MSN: variants seen among roughly 807,000 people sequenced by gnomAD.
MSN encodes moesin.
A neutral mutation model predicts 48.0 loss-of-function variants in MSN; 2 were observed. The observed-to-expected ratio is 0.04, with a 90% CI of 0.02 to 0.13. MSN has a LOEUF of 0.13. MSN is among the 10% of genes least tolerant of loss of function. The probability of loss-of-function intolerance (pLI) is 1.00; values close to 1 mark genes in which losing one functional copy is unlikely to be tolerated. For missense variants in MSN, 267 were observed against 470.1 expected, an observed-to-expected ratio of 0.57 and a Z score of 3.99; for synonymous variants, 146 against 166.9, an observed-to-expected ratio of 0.87 and a Z score of 0.97.
intron 1 of MSN, among the ~76,000 whole-genome samples, chrX:65,694,018 A>G (rs1171678409): frequency 6.4e-5 from 7 of 110,109 alleles, no homozygotes; most frequent in African/African-American, 2.3e-4. Context: ...GCACCACTGC[A>G]CTACAGCCTG....
intron 1 of MSN, among the ~76,000 whole-genome samples, chrX:65,644,468 G>A (rs948235550): frequency 5.4e-5 from 6 of 111,604 alleles, no homozygotes; most frequent in Non-Finnish European, 9.4e-5. Flanking sequence ...CAGCTCCGTC[G>A]TCTCAGAACT....
Position 65,660,109 on chromosome X carries a change from G to T in MSN, c.-21-56709G>T, listed in dbSNP as rs570967242. 1.2e-4 allele frequency among the ~76,000 whole-genome samples: 13 copies of T among 111,819 alleles called. 1 individual carries two copies. In the South Asian group the frequency reaches 4.9e-3, roughly 42 times the overall value. On this transcript the variant is annotated intron_variant, in intron 1 of 3. Coordinates refer to the MSN transcript ENST00000609672. ...CCTCTGCTCTGCTCTGGAGACAGGG[G>T]CGTAACTGAGATGAGTCCCTGCTAG...
intron 1 of MSN, among the ~76,000 whole-genome samples, chrX:65,660,093 T>C (rs1027388445): frequency 1.8e-5 from 2 of 111,736 alleles, no homozygotes; most frequent in African/African-American, 6.5e-5. Context: ...GCCTCTGCTC[T>C]GCTCTGGAGA....
intron 1 of MSN, among the ~76,000 whole-genome samples, chrX:65,640,437 C>T (rs1486015579): frequency 9.0e-6 from 1 of 111,632 alleles, no homozygotes; most frequent in Non-Finnish European, 1.9e-5. Context: ...CCCAGCTACT[C>T]GGGAGGCTAA....
At chrX:65,607,380 C>A (rs1311067888) in intron 1 of MSN, among the ~76,000 whole-genome samples, 1 of 111,448 alleles carries the variant, frequency 9.0e-6, no homozygotes, top group Non-Finnish European at 1.9e-5. Flanking sequence ...GAGAAAACTC[C>A]CAGCCTACAC....
intron 1 of MSN, among the ~76,000 whole-genome samples, chrX:65,630,227 G>A (rs190674302): frequency 9.1e-6 from 1 of 109,404 alleles, no homozygotes; most frequent in Non-Finnish European, 1.9e-5. Context: ...TCCTCACTGA[G>A]TTGTGTAATC....
intron 8 of MSN, among the ~76,000 whole-genome samples, chrX:65,736,437 CTT>C (rs773890199): frequency 7.8e-4 from 72 of 92,256 alleles, no homozygotes; most frequent in African/African-American, 1.3e-3. Flanking sequence ...ATTCCCCAGG[CTT>C]TTTTTTTTTT....
At chrX:65,639,910 C>T (rs2070635785) in intron 1 of MSN, among the ~76,000 whole-genome samples, 1 of 111,634 alleles carries the variant, frequency 9.0e-6, no homozygotes, top group Non-Finnish European at 1.9e-5. Flanking sequence ...CTCACGTATC[C>T]ATTAATTCAG....
chrX:65,730,184 A>G (rs1419058182), intron 4 of MSN, among the ~76,000 whole-genome samples: 1 of 112,266 alleles, frequency 8.9e-6, no homozygotes, highest in Non-Finnish European at 1.9e-5. Flanking sequence ...CAAAAGCTCT[A>G]AAACACTCAT....
At chrX:65,675,827 G>C (rs1042914204) in intron 1 of MSN, among the ~76,000 whole-genome samples, 21 of 110,741 alleles carry the variant, frequency 1.9e-4, no homozygotes, top group Non-Finnish European at 3.8e-4. Flanking sequence ...TAGTAGAGAT[G>C]GGGTTTCACC....
intron 1 of MSN, among the ~76,000 whole-genome samples, chrX:65,606,373 C>T (rs763211719): frequency 1.7e-4 from 19 of 109,170 alleles, no homozygotes; most frequent in Admixed American, 1.3e-3. Context: ...GTGATCCACC[C>T]GCTTCAGCCT....
chrX:65,643,274 G>A (rs936510097), intron 1 of MSN, among the ~76,000 whole-genome samples: 7 of 111,406 alleles, frequency 6.3e-5, no homozygotes, highest in East Asian at 2.8e-4. Flanking sequence ...CAATGATTCC[G>A]GGAAGAGGAT....
chrX:65,633,776 G>A (rs1457183194), intron 1 of MSN, among the ~76,000 whole-genome samples: 1 of 111,968 alleles, frequency 8.9e-6, no homozygotes, highest in Non-Finnish European at 1.9e-5. Flanking sequence ...ATAATAGGAA[G>A]GAACCTTTCT....
chrX:65,618,358 C>G lies in MSN; in HGVS notation c.-22+29746C>G, dbSNP rs894312661. Among the ~76,000 whole-genome samples the G allele has an allele frequency of 2.7e-5, 3 of 111,147 alleles. No individual in the cohort carries two copies. The Admixed American group carries it at 2.9e-4, about 11-fold the overall frequency. On this transcript the variant is annotated intron_variant, in intron 1 of 3. Transcript: ENST00000609672. ...TGGGAGTCTAAGTCTCTTTGTAGGTCACTCAGGACTTGCTTTATGAATCTT... is the reference window on the plus strand; with the variant it reads ...TGGGAGTCTAAGTCTCTTTGTAGGTGACTCAGGACTTGCTTTATGAATCTT...
intron 1 of MSN, among the ~76,000 whole-genome samples, chrX:65,716,281 T>A (rs1000361464): frequency 1.8e-5 from 2 of 111,450 alleles, no homozygotes; most frequent in Admixed American, 9.5e-5. Flanking sequence ...CATTCTTTTT[T>A]AAAAATTTTT....
At chrX:65,622,399 C>T (rs2070456676) in intron 1 of MSN, among the ~76,000 whole-genome samples, 1 of 110,381 alleles carries the variant, frequency 9.1e-6, no homozygotes, top group East Asian at 2.8e-4. Flanking sequence ...CTCACCTTGC[C>T]TTATTTCTTC....
intron 2 of MSN, among the ~76,000 whole-genome samples, chrX:65,726,499 G>A (rs887585716): frequency 3.6e-5 from 4 of 111,261 alleles, no homozygotes; most frequent in African/African-American, 1.3e-4. Context: ...TTTCTTTGGG[G>A]TCTCTGAAGC....
At chrX:65,621,763 A>G (rs191332971) in intron 1 of MSN, among the ~76,000 whole-genome samples, 104 of 112,487 alleles carry the variant, frequency 9.2e-4, no homozygotes, top group African/African-American at 3.2e-3. Context: ...ACCAATTAAC[A>G]TGGAATGCTT....
chrX:65,600,627 A>G (rs1260987375), intron 1 of MSN: 1 of 111,662 alleles, frequency 9.0e-6, no homozygotes, highest in Non-Finnish European at 1.9e-5. Context: ...GATTTTCCAG[A>G]CAATAATTTA....
Sources: allele counts gnomAD v4.1 joint callset (sites outside exome capture counted in the v4.1 genomes callset), GRCh38; gene constraint gnomAD v4.1.1; transcripts MANE v1.5; gene names NCBI Gene and HGNC (gene_info 2026-07-23, HGNC 2026-07-21).